Variants in LRRC53 observed in about 807,000 individuals in gnomAD.
The protein encoded by LRRC53 is leucine-rich repeat-containing protein 53.
A neutral mutation model predicts 13.6 loss-of-function variants in LRRC53; 25 were observed. That is an observed-to-expected ratio of 1.83 (90% CI 1.34 to 2.56). The LOEUF (loss-of-function observed/expected upper bound fraction) is 2.56, where lower values mean the gene tolerates loss of function less well. Among genes scored for constraint, LRRC53 ranks in the 30% most tolerant of loss-of-function variants. The probability of loss-of-function intolerance (pLI) is 0.00; values close to 1 mark genes in which losing one functional copy is unlikely to be tolerated. For synonymous variants in LRRC53, 204 were observed against 109.8 expected, an observed-to-expected ratio of 1.86 and a Z score of -5.37; for missense variants, 527 against 275.8, an observed-to-expected ratio of 1.91 and a Z score of -6.45.
intron 4 of LRRC53, among the ~76,000 whole-genome samples, chr1:74,473,068 TC>T (rs1668015337): frequency 6.6e-6 from 1 of 152,150 alleles, no homozygotes; most frequent in African/African-American, 2.4e-5. Flanking sequence ...AATGTCTGCC[TC>T]TAATCTCCTT....
the LRRC53 span, among the ~76,000 whole-genome samples, chr1:74,531,348 T>G: frequency 6.6e-6 from 1 of 152,234 alleles, no homozygotes; most frequent in East Asian, 1.9e-4. Flanking sequence ...TGAACTTAAC[T>G]GATAAATTAG....
At chr1:74,490,435 A>G (rs999464004) in intron 1 of LRRC53, among the ~76,000 whole-genome samples, 7 of 152,194 alleles carry the variant, frequency 4.6e-5, no homozygotes, top group Admixed American at 1.3e-4. Context: ...TGGGATAGAT[A>G]TATCTGGAGG....
chr1:74,497,279 G>C (rs1347358354), intron 1 of LRRC53, among the ~76,000 whole-genome samples: 1 of 152,068 alleles, frequency 6.6e-6, no homozygotes, highest in Non-Finnish European at 1.5e-5. Flanking sequence ...ATGTTTACCA[G>C]ATAACAGTGG....
the LRRC53 span, among the ~76,000 whole-genome samples, chr1:74,532,805 G>A: frequency 6.6e-6 from 1 of 151,986 alleles, no homozygotes; most frequent in Non-Finnish European, 1.5e-5. Context: ...AGAAAAACAA[G>A]CAATGGGGAA....
At position 74,486,106 on chromosome 1, in the gene LRRC53, A is replaced by T. The variant is rs138127152; in HGVS notation, c.-26-2731T>A. On this transcript the variant is annotated intron_variant, in intron 1 of 4. Coordinates refer to ENST00000294635, the MANE Select transcript of LRRC53 (RefSeq NM_001382280.1). ...TAACTAATACACTCCAGTTGCCCTGAATTCTGTCCTCTGTTCCTTCAAACA... is the reference window on the plus strand; with the variant it reads ...TAACTAATACACTCCAGTTGCCCTGTATTCTGTCCTCTGTTCCTTCAAACA... Among the ~76,000 whole-genome samples, 544 of 151,732 alleles carry T rather than the reference A, an allele frequency of 3.6e-3. 4 individuals are homozygous for T. The highest frequency in any genetic ancestry group is 0.013 in the African/African-American group (522 of 41,186).
At chr1:74,484,206 G>T (rs1309064191) in intron 1 of LRRC53, among the ~76,000 whole-genome samples, 2 of 109,572 alleles carry the variant, frequency 1.8e-5, no homozygotes, top group African/African-American at 3.2e-5. Context: ...ATCTTCCCTG[G>T]TTGATTAAAA....
chr1:74,515,056 T>C (rs1048417822), upstream of LRRC53, among the ~76,000 whole-genome samples: 2 of 152,162 alleles, frequency 1.3e-5, no homozygotes, highest in African/African-American at 4.8e-5. Flanking sequence ...CACCAGAAAC[T>C]AGGACATGGG....
At chr1:74,486,936 A>T (rs190973940) in intron 1 of LRRC53, among the ~76,000 whole-genome samples, 5 of 152,316 alleles carry the variant, frequency 3.3e-5, no homozygotes, top group Admixed American at 3.3e-4. Flanking sequence ...TGAATTTAGC[A>T]ATGAGATCTT....
At chr1:74,499,980 T>A (rs1270860702) in intron 1 of LRRC53, among the ~76,000 whole-genome samples, 1 of 152,048 alleles carries the variant, frequency 6.6e-6, no homozygotes, top group Non-Finnish European at 1.5e-5. Flanking sequence ...TCTATCTTTT[T>A]TCCTTTCCTT....
intron 2 of LRRC53, among the ~76,000 whole-genome samples, chr1:74,481,907 A>C (rs1668524522): frequency 6.6e-6 from 1 of 152,172 alleles, no homozygotes; most frequent in South Asian, 2.1e-4. Flanking sequence ...GCAAATCACA[A>C]ATCCCTTAGG....
intron 1 of LRRC53, chr1:74,489,105 A>G: frequency 1.8e-6 from 2 of 1,119,254 alleles, no homozygotes. Flanking sequence ...ATTCTTTACA[A>G]ATGCTAATAC....
chr1:74,481,396 T>C (rs565370173), intron 2 of LRRC53, among the ~76,000 whole-genome samples: 69 of 152,326 alleles, frequency 4.5e-4, no homozygotes, highest in Non-Finnish European at 9.1e-4. Context: ...CAGTGTTCCA[T>C]AGCAATGTGT....
chr1:74,488,748 G>A (rs1040388896), intron 1 of LRRC53, among the ~76,000 whole-genome samples: 1 of 152,140 alleles, frequency 6.6e-6, no homozygotes, highest in Admixed American at 6.5e-5. Flanking sequence ...CATCATCTTA[G>A]TTTTGAATCT....
chr1:74,501,831 T>TA (rs1207607223), intron 1 of LRRC53, among the ~76,000 whole-genome samples: 5 of 152,114 alleles, frequency 3.3e-5, no homozygotes, highest in Admixed American at 3.3e-4. Flanking sequence ...AATTCTGCTT[T>TA]AAACTAGCTT....
chr1:74,513,372 C>T (rs545172030), upstream of LRRC53, among the ~76,000 whole-genome samples: 1 of 152,314 alleles, frequency 6.6e-6, no homozygotes, highest in East Asian at 1.9e-4. Flanking sequence ...TGCAGGGGCA[C>T]TGGTAGTAGG....
chr1:74,500,597 C>T (rs1456490517), intron 1 of LRRC53, among the ~76,000 whole-genome samples: 1 of 79,844 alleles, frequency 1.3e-5, no homozygotes, highest in African/African-American at 4.5e-5. Context: ...GAGCGAGACT[C>T]CGTCTCAAAA....
In LRRC53 at chr1:74,478,621, C is replaced by A. The variant is rs72969887; in HGVS notation, c.904+1532G>T. Among the ~76,000 whole-genome samples the A allele has an allele frequency of 1.4e-3, 212 of 152,328 alleles. 2 individuals carry two copies. Among genetic ancestry groups the A allele is most frequent in the African/African-American group, 4.8e-3 (198 of 41,576 alleles). ...GAAATGCTCCATATCACACCTTCTT[C>A]TTAGAAATTTATAGTGCTTATTAGA... On this transcript the variant is annotated intron_variant, in intron 3 of 4. Transcript: ENST00000294635.
At position 74,480,360 on chromosome 1, in the gene LRRC53, T is replaced by G. The variant is rs1668424783; in HGVS notation, c.697A>C (p.Ile233Leu). The change falls in exon 3 of 5, where the codon ATT becomes CTT. Residue 233 changes from isoleucine to leucine, a missense_variant. Coordinates refer to ENST00000294635, the MANE Select transcript of LRRC53 (RefSeq NM_001382280.1). Reference sequence around the variant, plus strand: ...CTGAGCGTGTGAGCAGAAGACTTAATGTAGTTTCTTAAAAACCGAGCAAGG... The same window carrying G: ...CTGAGCGTGTGAGCAGAAGACTTAAGGTAGTTTCTTAAAAACCGAGCAAGG... ...HPLARFLRNYIKSSAHTLRNA... is the reference protein window; with the variant it reads ...HPLARFLRNYLKSSAHTLRNA... 1 of 717,612 alleles carries G rather than the reference T, an allele frequency of 1.4e-6. No individual in the cohort carries two copies. Among genetic ancestry groups the G allele is most frequent in the African/African-American group, 1.7e-5 (1 of 57,256 alleles). The allele number at this position is 717,612 out of a possible 1,614,324, so 44.5% of individuals were successfully genotyped here. A position where few individuals can be genotyped will look rare whatever the true frequency, so the allele number is the denominator to read the frequency against.
At chr1:74,509,951 A>G (rs550831732) in intron 1 of LRRC53, among the ~76,000 whole-genome samples, 1 of 151,922 alleles carries the variant, frequency 6.6e-6, no homozygotes, top group African/African-American at 2.4e-5. Context: ...ACAGGGTTTC[A>G]CCAAGTCACC....
Sources: gnomAD v4.1 joint callset for allele counts (sites outside exome capture counted in the v4.1 genomes callset) on GRCh38, gnomAD v4.1.1 for gene constraint, MANE v1.5 for transcripts, NCBI Gene and HGNC (gene_info 2026-07-23, HGNC 2026-07-21) for gene names.